Variants in VIT observed in about 807,000 individuals in gnomAD.
VIT encodes vitrin.
VIT carries 99 observed loss-of-function variants against 78.0 expected under a neutral mutation model. The ratio of observed to expected loss-of-function variants is 1.27; its 90% CI spans 1.08 to 1.50. The LOEUF (loss-of-function observed/expected upper bound fraction) is 1.50, where lower values mean the gene tolerates loss of function less well. Among genes scored for constraint, VIT ranks in the 40% most tolerant of loss-of-function variants. The pLI is 0.00. For synonymous variants in VIT, 374 were observed against 334.3 expected, an observed-to-expected ratio of 1.12 and a Z score of -1.29; for missense variants, 1,126 against 875.3, an observed-to-expected ratio of 1.29 and a Z score of -3.61.
chr2:36,767,851 C>G (rs528786793), intron 7 of VIT, among the ~76,000 whole-genome samples: 2 of 152,322 alleles, frequency 1.3e-5, no homozygotes, highest in South Asian at 2.1e-4. Flanking sequence ...TCTGCACAGA[C>G]TTATATCTAC....
chr2:36,776,669 C>T (rs1182574997), intron 9 of VIT, among the ~76,000 whole-genome samples: 1 of 151,956 alleles, frequency 6.6e-6, no homozygotes, highest in Non-Finnish European at 1.5e-5. Flanking sequence ...GTGGTGCGTG[C>T]CTGTAATCCC....
At chr2:36,785,579 C>A (rs1314524078) in intron 11 of VIT, among the ~76,000 whole-genome samples, 1 of 152,128 alleles carries the variant, frequency 6.6e-6, no homozygotes, top group Non-Finnish European at 1.5e-5. Context: ...TGGGTATAGG[C>A]AGTTTGGGGA....
At chr2:36,716,248 C>G (rs1666126680) in intron 1 of VIT, 105 bp from the exon 2 acceptor site, 2 of 858,356 alleles carry the variant, frequency 2.3e-6, no homozygotes, top group East Asian at 5.0e-5. Flanking sequence ...TCGTAAGACT[C>G]CAGAGGGCAA....
chr2:36,772,766 G>C (rs1669838462), intron 7 of VIT, among the ~76,000 whole-genome samples: 1 of 152,160 alleles, frequency 6.6e-6, no homozygotes, highest in Admixed American at 6.5e-5. Flanking sequence ...CAAATAATTG[G>C]AACATAGACA....
chr2:36,795,030 T>C (rs1394357177), intron 12 of VIT, among the ~76,000 whole-genome samples: 1 of 152,150 alleles, frequency 6.6e-6, no homozygotes. Context: ...GAGAGGATGT[T>C]TGAGCTTCCT....
At chr2:36,805,217 T>TTGA (rs1464075421) in intron 13 of VIT, among the ~76,000 whole-genome samples, 1 of 150,754 alleles carries the variant, frequency 6.6e-6, no homozygotes, top group Non-Finnish European at 1.5e-5. Context: ...GGTGGGAGGG[T>TTGA]TGATGAAACT....
intron 15 of VIT, among the ~76,000 whole-genome samples, chr2:36,809,616 C>T (rs1558597056): frequency 6.6e-6 from 1 of 152,130 alleles, no homozygotes; most frequent in Non-Finnish European, 1.5e-5. Flanking sequence ...TGGGATTTCG[C>T]CATGTTGGTC....
chr2:36,793,369 G>A (rs983223687), intron 12 of VIT, among the ~76,000 whole-genome samples: 3 of 152,210 alleles, frequency 2.0e-5, no homozygotes, highest in African/African-American at 7.2e-5. Context: ...CTCTGATGGT[G>A]GGAAATGTGG....
chr2:36,796,757 A>G (rs1435166931), intron 12 of VIT, among the ~76,000 whole-genome samples: 2 of 152,020 alleles, frequency 1.3e-5, no homozygotes, highest in Non-Finnish European at 2.9e-5. Flanking sequence ...GTGAACCACC[A>G]TGCCTGGCCT....
chr2:36,741,566 A>G (rs971175088), intron 3 of VIT, among the ~76,000 whole-genome samples: 1 of 152,182 alleles, frequency 6.6e-6, no homozygotes, highest in Non-Finnish European at 1.5e-5. Context: ...ATTCAGGTAC[A>G]CAAGGGTTAA....
chr2:36,785,413 A>ATTT (rs1453543201), intron 11 of VIT, among the ~76,000 whole-genome samples: 1 of 152,184 alleles, frequency 6.6e-6, no homozygotes, highest in Non-Finnish European at 1.5e-5. Flanking sequence ...GAAAAAAAAA[A>ATTT]TGAGTTGGCC....
At chr2:36,795,131 T>G (rs1018941402) in intron 12 of VIT, among the ~76,000 whole-genome samples, 8 of 152,340 alleles carry the variant, frequency 5.3e-5, no homozygotes, top group Non-Finnish European at 1.2e-4. Flanking sequence ...GTGCCTGTTC[T>G]CAAGTAGGTT....
intron 4 of VIT, among the ~76,000 whole-genome samples, chr2:36,745,120 T>C (rs1054828170): frequency 6.6e-6 from 1 of 152,134 alleles, no homozygotes; most frequent in South Asian, 2.1e-4. Flanking sequence ...GACAATCAGA[T>C]AGTTGCAGGT....
chr2:36,766,698 C>T (rs1009622175), intron 6 of VIT, among the ~76,000 whole-genome samples: 2 of 152,104 alleles, frequency 1.3e-5, no homozygotes, highest in African/African-American at 4.8e-5. Flanking sequence ...TAATGAAAGC[C>T]CCAAATGCAC....
At chr2:36,787,482 A>C (rs529522848) in intron 12 of VIT, among the ~76,000 whole-genome samples, 1 of 152,374 alleles carries the variant, frequency 6.6e-6, no homozygotes, top group Non-Finnish European at 1.5e-5. Flanking sequence ...GAAGGGACAG[A>C]TTAAAAAACA....
chr2:36,793,112 C>T lies in VIT; in HGVS notation c.1058+5836C>T, dbSNP rs1665622483. On this transcript the variant is annotated intron_variant, in intron 12 of 15. Transcript: ENST00000379242. Reference sequence around the variant, plus strand: ...GAAGCTCTGTTGCCAAGATGCCCCACTTCCCCAACACTCACTGAGCCCTGT... The same window carrying T: ...GAAGCTCTGTTGCCAAGATGCCCCATTTCCCCAACACTCACTGAGCCCTGT... Among the ~76,000 whole-genome samples, 4 of 152,122 alleles carry T rather than the reference C, an allele frequency of 2.6e-5. No homozygotes were observed. In the South Asian group the frequency reaches 8.3e-4, roughly 32 times the overall value.
intron 7 of VIT, among the ~76,000 whole-genome samples, chr2:36,768,681 C>G (rs920621965): frequency 1.3e-5 from 2 of 152,170 alleles, no homozygotes; most frequent in African/African-American, 4.8e-5. Flanking sequence ...TGGCTCTCCT[C>G]TTCCTTGCAG....
At chr2:36,702,807 C>T (rs919659328) in intron 1 of VIT, among the ~76,000 whole-genome samples, 1 of 152,140 alleles carries the variant, frequency 6.6e-6, no homozygotes, top group African/African-American at 2.4e-5. Flanking sequence ...GTGAAGATAC[C>T]CTCCCCTACT....
At chr2:36,732,484 A>G (rs1667269445) in intron 3 of VIT, among the ~76,000 whole-genome samples, 1 of 152,238 alleles carries the variant, frequency 6.6e-6, no homozygotes, top group Admixed American at 6.5e-5. Flanking sequence ...CTTGATCTCC[A>G]GAGTATTTCC....
Sources: gnomAD v4.1 joint callset for allele counts (sites outside exome capture counted in the v4.1 genomes callset) on GRCh38, gnomAD v4.1.1 for gene constraint, MANE v1.5 for transcripts, NCBI Gene and HGNC (gene_info 2026-07-23, HGNC 2026-07-21) for gene names.